PIP5K1C: variants seen among roughly 807,000 people sequenced by gnomAD.
The protein encoded by PIP5K1C is phosphatidylinositol 4-phosphate 5-kinase type-1 gamma.
In PIP5K1C, 45 loss-of-function variants were observed where a neutral mutation model predicts 80.1. The observed-to-expected ratio is 0.56, with a 90% CI of 0.44 to 0.72. PIP5K1C has a LOEUF of 0.72. Ranked by LOEUF, PIP5K1C falls within the 30% of genes least tolerant of loss-of-function variation. The probability of loss-of-function intolerance (pLI) is 0.00; values close to 1 mark genes in which losing one functional copy is unlikely to be tolerated. For missense variants in PIP5K1C, 753 were observed against 954.6 expected, an observed-to-expected ratio of 0.79 and a Z score of 2.78; for synonymous variants, 498 against 420.1, an observed-to-expected ratio of 1.19 and a Z score of -2.27.
rs570255177 is a variant in PIP5K1C at position 3,658,140 on chromosome 19, G to A, written c.469-1583C>T. Among the ~76,000 whole-genome samples, 8 of 152,284 alleles carry A rather than the reference G, an allele frequency of 5.3e-5. No homozygotes were observed. In the East Asian group the frequency reaches 1.4e-3, roughly 26 times the overall value. Reference sequence around the variant, plus strand: ...TCCTTGGGCTCAAGTCACCACCCCCGCCCTGCACTGCCCGAGGTGCTCTCG... The same window carrying A: ...TCCTTGGGCTCAAGTCACCACCCCCACCCTGCACTGCCCGAGGTGCTCTCG... On this transcript the variant is annotated intron_variant, in intron 5 of 17. Transcript: ENST00000335312.
rs59524365 is a variant in PIP5K1C at position 3,642,658 on chromosome 19, T to TA, written c.1682+248dup. 5.3e-3 allele frequency among the ~76,000 whole-genome samples: 783 copies of TA among 148,898 alleles called. 8 individuals carry two copies. Among genetic ancestry groups the TA allele is most frequent in the African/African-American group, 0.017 (692 of 40,672 alleles). On this transcript the variant is annotated intron_variant, in intron 14 of 17. Transcript: ENST00000335312. ...TTCCCTCTTGTATCTTGTTTTAAGT[T>TA]AAAAAAAAAACTTAATAGAAGAAGA...
intron 8 of PIP5K1C, among the ~76,000 whole-genome samples, chr19:3,650,210 G>A (rs116890232): frequency 0.078 from 11,925 of 152,296 alleles, 522 homozygotes; most frequent in Non-Finnish European, 0.097. Context: ...CCGTCCCTGG[G>A]GCCAGGCCAG....
intron 7 of PIP5K1C, among the ~76,000 whole-genome samples, chr19:3,652,440 G>A (rs1485894997): frequency 6.6e-6 from 1 of 152,226 alleles, no homozygotes; most frequent in Non-Finnish European, 1.5e-5. Flanking sequence ...GCCCCTGAGT[G>A]GTCTGGGCGG....
intron 8 of PIP5K1C, chr19:3,649,964 G>A (rs571993839): frequency 9.9e-4 from 233 of 235,138 alleles, no homozygotes; most frequent in Non-Finnish European, 1.8e-3. Context: ...CGCCCTGCAC[G>A]CTCTGCTCAC....
intron 6 of PIP5K1C, among the ~76,000 whole-genome samples, chr19:3,656,108 T>C (rs961215261): frequency 9.9e-5 from 15 of 152,084 alleles, no homozygotes; most frequent in African/African-American, 3.6e-4. Flanking sequence ...CCACGGCTCA[T>C]AGGGGGTGTT....
chr19:3,676,236 C>T (rs1224644904), intron 1 of PIP5K1C, among the ~76,000 whole-genome samples: 1 of 152,212 alleles, frequency 6.6e-6, no homozygotes, highest in Non-Finnish European at 1.5e-5. Flanking sequence ...GACTGATGGT[C>T]CCCACCGGGA....
intron 1 of PIP5K1C, among the ~76,000 whole-genome samples, chr19:3,680,591 C>T (rs1568352594): frequency 6.6e-6 from 1 of 152,208 alleles, no homozygotes; most frequent in Admixed American, 6.5e-5. Flanking sequence ...CGTGAGCCAC[C>T]GCGCCCGGAC....
At chr19:3,655,129 A>AC (rs1329901693) in intron 6 of PIP5K1C, among the ~76,000 whole-genome samples, 1 of 149,378 alleles carries the variant, frequency 6.7e-6, no homozygotes, top group Non-Finnish European at 1.5e-5. Context: ...AAAAAAAAAA[A>AC]ATGAAGAGGC....
chr19:3,642,836 C>G (rs137978233), intron 14 of PIP5K1C, 71 bp downstream of exon 14: 1 of 1,260,916 alleles, frequency 7.9e-7, no homozygotes. Flanking sequence ...GGCTGGGGGG[C>G]GGGAAACGGA....
intron 1 of PIP5K1C, among the ~76,000 whole-genome samples, chr19:3,690,429 G>A (rs548048578): frequency 2.6e-5 from 4 of 151,118 alleles, no homozygotes; most frequent in African/African-American, 9.7e-5. Context: ...GCTGCGGTGA[G>A]CTACAATCGT....
chr19:3,649,026 C>G (rs538583910), intron 8 of PIP5K1C, among the ~76,000 whole-genome samples: 1 of 152,148 alleles, frequency 6.6e-6, no homozygotes, highest in Non-Finnish European at 1.5e-5. Flanking sequence ...CACGGGGTCT[C>G]AGGTACAGAC....
intron 7 of PIP5K1C, 86 bp from the exon 8 acceptor site, chr19:3,652,117 CG>C: frequency 1.5e-6 from 2 of 1,301,118 alleles, no homozygotes; most frequent in Non-Finnish European, 1.1e-6. Context: ...GTTCCCAGCA[CG>C]GATGGCCCCG....
rs2033610639 is a variant in PIP5K1C at position 3,634,831 on chromosome 19, C to T, written c.1921-1311G>A. 2.0e-5 allele frequency among the ~76,000 whole-genome samples: 3 copies of T among 152,274 alleles called. No individual in the cohort carries two copies. The South Asian group carries it at 6.2e-4, about 31-fold the overall frequency. On this transcript the variant is annotated intron_variant, in intron 16 of 17. Transcript: ENST00000335312. ...CTACAGCTTCCACAAGACCCCTGTT[C>T]CCGGGCCCTGGGCACCGAGGGCAGC...
rs533888855 is a variant in PIP5K1C at position 3,675,417 on chromosome 19, G to A, written c.95-8064C>T. On this transcript the variant is annotated intron_variant, in intron 1 of 17. Coordinates refer to ENST00000335312, the MANE Select transcript of PIP5K1C (RefSeq NM_012398.3). ...GGACTTGGTCAAGGCTTGACCAGAA[G>A]GGCAGCCAGTCTGCTGCAGGCTGGA... is the stretch of plus-strand genomic sequence containing the variant. 3.9e-5 allele frequency among the ~76,000 whole-genome samples: 6 copies of A among 152,294 alleles called. No individual in the cohort carries two copies. In the South Asian group the frequency reaches 1.0e-3, roughly 26 times the overall value.
intron 1 of PIP5K1C, among the ~76,000 whole-genome samples, chr19:3,676,454 A>G (rs986652288): frequency 1.3e-5 from 2 of 152,088 alleles, no homozygotes; most frequent in African/African-American, 4.8e-5. Flanking sequence ...TTGGAGAAAA[A>G]CCTGGGTTTC....
At chr19:3,633,628 T>C in intron 16 of PIP5K1C, 108 bp from the exon 17 acceptor site, 1 of 680,416 alleles carries the variant, frequency 1.5e-6, no homozygotes, top group Non-Finnish European at 2.1e-6. Flanking sequence ...AAGAGGCGAA[T>C]CCCCCATGGA....
chr19:3,639,900 C>G (rs748588530), intron 15 of PIP5K1C, among the ~76,000 whole-genome samples: 1 of 152,200 alleles, frequency 6.6e-6, no homozygotes, highest in Non-Finnish European at 1.5e-5. Flanking sequence ...TGGCTATGGC[C>G]ACACGGTGCA....
At chr19:3,660,888 G>T in intron 5 of PIP5K1C, 78 bp downstream of exon 5, 1 of 1,185,118 alleles carries the variant, frequency 8.4e-7, no homozygotes, top group Non-Finnish European at 1.3e-6. Flanking sequence ...GCCCCCAAAT[G>T]CCTGACCCAC....
intron 1 of PIP5K1C, among the ~76,000 whole-genome samples, chr19:3,682,421 T>C (rs1246142431): frequency 1.3e-5 from 2 of 150,174 alleles, no homozygotes; most frequent in Non-Finnish European, 2.9e-5. Flanking sequence ...TTCTCATACC[T>C]GTCATCCCAG....
Sources: gnomAD v4.1 joint callset for allele counts (sites outside exome capture counted in the v4.1 genomes callset) on GRCh38, gnomAD v4.1.1 for gene constraint, MANE v1.5 for transcripts, NCBI Gene and HGNC (gene_info 2026-07-23, HGNC 2026-07-21) for gene names.